The following CACNA2D1 variants were observed in gnomAD, a reference collection of about 807,000 sequenced individuals.
CACNA2D1 encodes the protein calcium voltage-gated channel auxiliary subunit alpha2delta 1.
Under a neutral mutation model 171.5 loss-of-function variants are expected in CACNA2D1, and 53 were observed. That is an observed-to-expected ratio of 0.31 (90% CI 0.25 to 0.39). The LOEUF is 0.39. Ranked by LOEUF, CACNA2D1 falls within the 10% of genes least tolerant of loss-of-function variation. The pLI, the probability that CACNA2D1 is intolerant of heterozygous loss-of-function variation, is 1.00. For missense variants in CACNA2D1, 903 were observed against 1,299.8 expected, an observed-to-expected ratio of 0.69 and a Z score of 4.69; for synonymous variants, 442 against 443.1, an observed-to-expected ratio of 1.00 and a Z score of 0.03.
chr7:82,401,139 T>A (rs1037629245), intron 1 of CACNA2D1, among the ~76,000 whole-genome samples: 16 of 152,136 alleles, frequency 1.1e-4, no homozygotes, highest in African/African-American at 3.4e-4. Context: ...ATTGTGGAAG[T>A]CAGTGTGGCG....
intron 1 of CACNA2D1, among the ~76,000 whole-genome samples, chr7:82,432,835 T>C (rs1829811681): frequency 6.6e-6 from 1 of 152,208 alleles, no homozygotes; most frequent in Non-Finnish European, 1.5e-5. Flanking sequence ...TTTATCTGTT[T>C]CTTTTTCAAT....
chr7:82,116,609 C>G (rs1789073783), intron 6 of CACNA2D1, among the ~76,000 whole-genome samples: 1 of 152,168 alleles, frequency 6.6e-6, no homozygotes, highest in Admixed American at 6.6e-5. Context: ...GAGAGACTGA[C>G]AGACATGAGA....
At chr7:82,153,233 T>C (rs960782967) in intron 4 of CACNA2D1, among the ~76,000 whole-genome samples, 4 of 151,838 alleles carry the variant, frequency 2.6e-5, no homozygotes, top group Admixed American at 6.6e-5. Context: ...TTGCCACCAG[T>C]TATTCTGTTG....
Position 81,983,348 on chromosome 7 carries a change from T to C in CACNA2D1, c.1874-14A>G. 3 of 1,605,718 alleles carry C rather than the reference T, an allele frequency of 1.9e-6. No homozygotes were observed. Among genetic ancestry groups the C allele is most frequent in the Non-Finnish European group, 8.5e-7 (1 of 1,174,456 alleles). ...TGCCCTTTTTTGCTGTGAAAATCCA[T>C]CAGAAAGAGAAAGCAGGGAAACAAA... is the stretch of plus-strand genomic sequence containing the variant. On this transcript the variant is annotated splice_polypyrimidine_tract_variant and intron_variant, in intron 22 of 38. Coordinates refer to ENST00000356860, the MANE Select transcript of CACNA2D1 (RefSeq NM_000722.4).
intron 3 of CACNA2D1, among the ~76,000 whole-genome samples, chr7:82,298,208 A>G (rs1183657330): frequency 6.6e-6 from 1 of 152,166 alleles, no homozygotes; most frequent in African/African-American, 2.4e-5. Context: ...TTTTCCACCA[A>G]TAGGGAATCC....
At chr7:82,113,218 A>G (rs928777329) in intron 6 of CACNA2D1, among the ~76,000 whole-genome samples, 1 of 152,118 alleles carries the variant, frequency 6.6e-6, no homozygotes, top group African/African-American at 2.4e-5. Flanking sequence ...AGAACTATCA[A>G]TACAAATTTC....
intron 6 of CACNA2D1, among the ~76,000 whole-genome samples, chr7:82,086,993 AT>A (rs1810556218): frequency 6.6e-6 from 1 of 152,138 alleles, no homozygotes; most frequent in Non-Finnish European, 1.5e-5. Flanking sequence ...CAGACAAGCC[AT>A]TACTAAGGTA....
intron 2 of CACNA2D1, among the ~76,000 whole-genome samples, chr7:82,336,479 C>T (rs564851782): frequency 1.3e-5 from 2 of 152,256 alleles, no homozygotes; most frequent in African/African-American, 4.8e-5. Flanking sequence ...CTTATTCACA[C>T]TATGAGATTT....
Position 82,099,666 on chromosome 7 carries a change from G to A in CACNA2D1, c.527-14766C>T. On this transcript the variant is annotated intron_variant, in intron 6 of 38. Coordinates refer to ENST00000356860, the MANE Select transcript of CACNA2D1 (RefSeq NM_000722.4). ...GGGTTTCACCGTGTTAGCCGGGATGGTCTCGATCTCCTGACCTCGTGATCC... is the reference window on the plus strand; with the variant it reads ...GGGTTTCACCGTGTTAGCCGGGATGATCTCGATCTCCTGACCTCGTGATCC... Among the ~76,000 whole-genome samples, 2 of 60,674 alleles carry A rather than the reference G, an allele frequency of 3.3e-5. 1 individual carries two copies. Among genetic ancestry groups the A allele is most frequent in the African/African-American group, 9.7e-5 (2 of 20,684 alleles). The allele number at this position is 60,674 out of a possible 152,430, so 39.8% of individuals were successfully genotyped here.
chr7:82,202,976 A>T (rs1178135211), intron 3 of CACNA2D1, among the ~76,000 whole-genome samples: 1 of 152,178 alleles, frequency 6.6e-6, no homozygotes, highest in African/African-American at 2.4e-5. Context: ...TTGTGGAGAC[A>T]GTTGTCCCCA....
rs774805421 is a variant in CACNA2D1 at position 81,951,969 on chromosome 7, G to GTTTTTTTTTTTTTTTTTTTT, written c.3160-1481_3160-1462dup. 2.2e-3 allele frequency among the ~76,000 whole-genome samples: 160 copies of GTTTTTTTTTTTTTTTTTTTT among 71,804 alleles called. 1 individual carries two copies. Among genetic ancestry groups the GTTTTTTTTTTTTTTTTTTTT allele is most frequent in the Middle Eastern group, 0.012 (1 of 84 alleles). 47.1% of individuals were successfully genotyped at this position (71,804 alleles called of 152,430 possible). On this transcript the variant is annotated intron_variant, in intron 38 of 38. Coordinates refer to ENST00000356860, the MANE Select transcript of CACNA2D1 (RefSeq NM_000722.4). ...CATTCCCACCAGCAGTGTACAAAGT[G>GTTTTTTTTTTTTTTTTTTTT]TTTTTTTTTTTTTTTTTTTTTTAAC... is the stretch of plus-strand genomic sequence containing the variant.
chr7:82,420,830 GA>G (rs56858207), intron 1 of CACNA2D1, among the ~76,000 whole-genome samples: 5,348 of 138,446 alleles, frequency 0.039, 282 homozygotes, highest in African/African-American at 0.12. Context: ...TAGCGAGCAG[GA>G]AAAAAAAAAA....
intron 4 of CACNA2D1, among the ~76,000 whole-genome samples, chr7:82,162,053 T>C (rs144948867): frequency 6.6e-6 from 1 of 152,154 alleles, no homozygotes; most frequent in East Asian, 1.9e-4. Context: ...TGCACTAAAA[T>C]GATGAAAAGA....
chr7:81,969,816 C>A, intron 28 of CACNA2D1, 65 bp downstream of exon 28: 1 of 851,422 alleles, frequency 1.2e-6, no homozygotes, highest in Non-Finnish European at 2.0e-6. Context: ...GGGGGGAGAG[C>A]AGATAGTAGC....
intron 4 of CACNA2D1, among the ~76,000 whole-genome samples, chr7:82,138,249 A>G (rs56060356): frequency 0.18 from 27,721 of 152,004 alleles, 2,891 homozygotes; most frequent in East Asian, 0.34. Flanking sequence ...AAACAAACCA[A>G]AAATGATATA....
intron 5 of CACNA2D1, among the ~76,000 whole-genome samples, chr7:82,135,530 TA>T (rs1311853237): frequency 2.0e-5 from 3 of 152,030 alleles, no homozygotes; most frequent in Non-Finnish European, 2.9e-5. Context: ...CTGGAGAAAA[TA>T]AAACCTTCTT....
At chr7:82,067,339 T>A (rs1051089929) in intron 7 of CACNA2D1, among the ~76,000 whole-genome samples, 80 of 152,288 alleles carry the variant, frequency 5.3e-4, no homozygotes, top group African/African-American at 1.8e-3. Flanking sequence ...TTTAAACATA[T>A]GACTCCTGGG....
intron 7 of CACNA2D1, among the ~76,000 whole-genome samples, chr7:82,076,098 G>A (rs1045116348): frequency 1.3e-5 from 2 of 152,054 alleles, no homozygotes; most frequent in African/African-American, 2.4e-5. Context: ...TTGACCATAA[G>A]GTGAACAATT....
At chr7:82,384,301 A>G (rs905076419) in intron 1 of CACNA2D1, among the ~76,000 whole-genome samples, 2 of 152,182 alleles carry the variant, frequency 1.3e-5, no homozygotes, top group African/African-American at 4.8e-5. Context: ...GTTAGATGAG[A>G]TCATGAGTAT....
Sources: gnomAD v4.1 joint callset for allele counts (sites outside exome capture counted in the v4.1 genomes callset) on GRCh38, gnomAD v4.1.1 for gene constraint, MANE v1.5 for transcripts, NCBI Gene and HGNC (gene_info 2026-07-23, HGNC 2026-07-21) for gene names.